Variants in DSCAM observed in about 807,000 individuals in gnomAD.
The protein encoded by DSCAM is DS cell adhesion molecule.
DSCAM carries 47 observed loss-of-function variants against 217.7 expected under a neutral mutation model. That is an observed-to-expected ratio of 0.22 (90% CI 0.17 to 0.28). The LOEUF is 0.28. Among genes scored for constraint, DSCAM ranks in the 10% least tolerant of loss-of-function variants. The pLI is 1.00. For missense variants in DSCAM, 2,080 were observed against 2,618.3 expected, an observed-to-expected ratio of 0.79 and a Z score of 4.49; for synonymous variants, 1,056 against 1,015.3, an observed-to-expected ratio of 1.04 and a Z score of -0.76.
chr21:40,652,044 C>G (rs1045791582), intron 3 of DSCAM, among the ~76,000 whole-genome samples: 2 of 151,888 alleles, frequency 1.3e-5, no homozygotes, highest in African/African-American at 4.8e-5. Context: ...GCATTCTTTT[C>G]TCAGGGGAAA....
chr21:40,381,497 A>G (rs988533317), intron 3 of DSCAM, among the ~76,000 whole-genome samples: 1 of 152,208 alleles, frequency 6.6e-6, no homozygotes, highest in African/African-American at 2.4e-5. Context: ...CAACACATAC[A>G]AAAAGGAAAA....
intron 30 of DSCAM, among the ~76,000 whole-genome samples, chr21:40,046,548 T>C (rs2088843783): frequency 6.6e-6 from 1 of 152,154 alleles, no homozygotes; most frequent in South Asian, 2.1e-4. Flanking sequence ...CAGAAAAACA[T>C]TATGATGGGG....
intron 3 of DSCAM, among the ~76,000 whole-genome samples, chr21:40,685,880 T>C (rs111969282): frequency 2.0e-5 from 3 of 152,214 alleles, no homozygotes; most frequent in African/African-American, 7.2e-5. Context: ...TGGCATTGTA[T>C]TGTGGGAGAG....
At chr21:40,734,933 C>T (rs1376170782) in intron 1 of DSCAM, among the ~76,000 whole-genome samples, 1 of 152,080 alleles carries the variant, frequency 6.6e-6, no homozygotes, top group Non-Finnish European at 1.5e-5. Flanking sequence ...AGAGAGTAGA[C>T]AAAGTAAGAA....
chr21:40,429,588 G>C (rs2075510864), intron 3 of DSCAM, among the ~76,000 whole-genome samples: 2 of 152,290 alleles, frequency 1.3e-5, no homozygotes, highest in South Asian at 4.2e-4. Context: ...TTTAAAGTGT[G>C]AACTGTGGAC....
At chr21:40,630,105 G>A (rs193245962) in intron 3 of DSCAM, among the ~76,000 whole-genome samples, 135 of 152,234 alleles carry the variant, frequency 8.9e-4, no homozygotes, top group Non-Finnish European at 1.7e-3. Flanking sequence ...CAGGAAAGCA[G>A]AAGTGAAAAG....
At chr21:40,335,340 T>C (rs1353564101) in intron 8 of DSCAM, among the ~76,000 whole-genome samples, 4 of 152,150 alleles carry the variant, frequency 2.6e-5, no homozygotes, top group African/African-American at 9.7e-5. Flanking sequence ...GAAAAGAAGC[T>C]CCTGAAGAAA....
At chr21:40,076,368 A>G (rs985032516) in intron 26 of DSCAM, among the ~76,000 whole-genome samples, 3 of 152,170 alleles carry the variant, frequency 2.0e-5, no homozygotes, top group African/African-American at 7.2e-5. Flanking sequence ...GAGTGAGATC[A>G]TTAAATGGAG....
At chr21:40,704,845 C>A (rs2090695482) in intron 2 of DSCAM, among the ~76,000 whole-genome samples, 1 of 152,130 alleles carries the variant, frequency 6.6e-6, no homozygotes, top group African/African-American at 2.4e-5. Flanking sequence ...TCATATTCAA[C>A]AAGGATAAGT....
At chr21:40,182,420 G>A (rs552069162) in intron 14 of DSCAM, among the ~76,000 whole-genome samples, 3 of 152,132 alleles carry the variant, frequency 2.0e-5, no homozygotes, top group East Asian at 3.9e-4. Flanking sequence ...GTGTGACAGA[G>A]CTTGCCATGG....
chr21:40,577,902 T>C (rs180762970), intron 3 of DSCAM, among the ~76,000 whole-genome samples: 8 of 152,232 alleles, frequency 5.3e-5, no homozygotes, highest in Middle Eastern at 3.4e-3. Flanking sequence ...TATCAGTTAA[T>C]TGCATTCTTG....
intron 3 of DSCAM, among the ~76,000 whole-genome samples, chr21:40,386,609 G>C (rs1223395468): frequency 1.3e-5 from 2 of 152,208 alleles, no homozygotes; most frequent in African/African-American, 2.4e-5. Context: ...AGTGCCCGTG[G>C]ATCTGGCACC....
intron 2 of DSCAM, among the ~76,000 whole-genome samples, chr21:40,698,317 A>G (rs970490953): frequency 2.6e-5 from 4 of 152,220 alleles, no homozygotes; most frequent in Non-Finnish European, 5.9e-5. Context: ...ACGATAAGCA[A>G]ACAGAATGTA....
chr21:40,072,577 T>C (rs1256146910), intron 27 of DSCAM, among the ~76,000 whole-genome samples: 7 of 152,056 alleles, frequency 4.6e-5, no homozygotes, highest in South Asian at 2.1e-4. Flanking sequence ...CTCGATCTCC[T>C]GACCTCGTGA....
At chr21:40,186,525 T>C (rs147632950) in intron 14 of DSCAM, among the ~76,000 whole-genome samples, 1 of 152,260 alleles carries the variant, frequency 6.6e-6, no homozygotes, top group East Asian at 1.9e-4. Context: ...AGGCAATGAA[T>C]GGGCACACCT....
intron 20 of DSCAM, among the ~76,000 whole-genome samples, chr21:40,106,080 C>T (rs1479598538): frequency 1.3e-5 from 2 of 152,092 alleles, no homozygotes; most frequent in African/African-American, 4.8e-5. Context: ...GCTGGGGAGG[C>T]TTTAAAATCA....
At chr21:40,203,146 G>T (rs1380954244) in intron 11 of DSCAM, among the ~76,000 whole-genome samples, 1 of 152,182 alleles carries the variant, frequency 6.6e-6, no homozygotes, top group East Asian at 1.9e-4. Flanking sequence ...AAACCATGCA[G>T]CCCATCTGTT....
chr21:40,671,451 G>A (rs1209510041), intron 3 of DSCAM, among the ~76,000 whole-genome samples: 1 of 152,042 alleles, frequency 6.6e-6, no homozygotes, highest in Non-Finnish European at 1.5e-5. Flanking sequence ...TGAGGTGGGT[G>A]GATCACGAGG....
chr21:40,305,529 A>G (rs915422878), intron 9 of DSCAM, among the ~76,000 whole-genome samples: 2 of 152,014 alleles, frequency 1.3e-5, no homozygotes, highest in African/African-American at 4.8e-5. Context: ...CCTATGTCCT[A>G]AATGGTAATG....
Sources: gnomAD v4.1 joint callset for allele counts (sites outside exome capture counted in the v4.1 genomes callset) on GRCh38, gnomAD v4.1.1 for gene constraint, MANE v1.5 for transcripts, NCBI Gene and HGNC (gene_info 2026-07-23, HGNC 2026-07-21) for gene names.